REEP1: variants seen among roughly 807,000 people sequenced by gnomAD.
REEP1 encodes receptor accessory protein 1.
Under a neutral mutation model 40.3 loss-of-function variants are expected in REEP1, and 22 were observed. That is an observed-to-expected ratio of 0.55 (90% confidence interval 0.39 to 0.78). REEP1 has a LOEUF of 0.78. Ranked by LOEUF, REEP1 falls within the 30% of genes least tolerant of loss-of-function variation. The pLI, the probability that REEP1 is intolerant of heterozygous loss-of-function variation, is 0.00. For synonymous variants in REEP1, 116 were observed against 139.2 expected, an observed-to-expected ratio of 0.83 and a Z score of 1.17; for missense variants, 280 against 361.1, an observed-to-expected ratio of 0.78 and a Z score of 1.82.
chr2:86,275,667 C>A (rs192582165), intron 2 of REEP1, among the ~76,000 whole-genome samples: 1 of 152,204 alleles, frequency 6.6e-6, no homozygotes, highest in African/African-American at 2.4e-5. Flanking sequence ...ACAATGAAGG[C>A]CACTGCCCAC....
At chr2:86,275,147 G>T (rs1378767954) in intron 2 of REEP1, among the ~76,000 whole-genome samples, 3 of 152,102 alleles carry the variant, frequency 2.0e-5, no homozygotes, top group Admixed American at 6.5e-5. Flanking sequence ...ATGACAGAAA[G>T]AAAAAATTCA....
intron 3 of REEP1, among the ~76,000 whole-genome samples, chr2:86,256,031 G>A (rs956463705): frequency 3.3e-5 from 5 of 152,076 alleles, no homozygotes; most frequent in African/African-American, 9.7e-5. Flanking sequence ...CCTCCCACAA[G>A]GTGAGCCAAT....
intron 1 of REEP1, among the ~76,000 whole-genome samples, chr2:86,327,331 A>G (rs904416946): frequency 2.6e-5 from 4 of 151,920 alleles, no homozygotes; most frequent in Non-Finnish European, 5.9e-5. Context: ...TAGAAATAAT[A>G]TATATTATTA....
At chr2:86,253,892 C>CTA (rs1451008118) in intron 4 of REEP1, among the ~76,000 whole-genome samples, 1 of 152,206 alleles carries the variant, frequency 6.6e-6, no homozygotes, top group African/African-American at 2.4e-5. Context: ...GTAAGTAATA[C>CTA]AGTTAACGAA....
At chr2:86,284,432 G>A (rs1014616009) in intron 1 of REEP1, among the ~76,000 whole-genome samples, 5 of 152,162 alleles carry the variant, frequency 3.3e-5, no homozygotes, top group Non-Finnish European at 5.9e-5. Flanking sequence ...CAGTAAGTAC[G>A]TGTTCACTGT....
chr2:86,267,303 T>A (rs894466264), intron 2 of REEP1, among the ~76,000 whole-genome samples: 3 of 152,200 alleles, frequency 2.0e-5, no homozygotes, highest in Admixed American at 6.5e-5. Context: ...CTGATGGTTT[T>A]ATAACAGGTA....
intron 1 of REEP1, among the ~76,000 whole-genome samples, chr2:86,307,735 A>G (rs959765910): frequency 1.3e-5 from 2 of 152,202 alleles, no homozygotes; most frequent in Non-Finnish European, 2.9e-5. Flanking sequence ...GTCTCAAAAA[A>G]AAAAAGACAA....
chr2:86,318,184 G>A (rs567373584), intron 1 of REEP1, among the ~76,000 whole-genome samples: 1 of 152,128 alleles, frequency 6.6e-6, no homozygotes, highest in African/African-American at 2.4e-5. Context: ...TCTATTTGGT[G>A]AACCAAGTTT....
chr2:86,315,709 A>AGTT (rs1418922367), intron 1 of REEP1, among the ~76,000 whole-genome samples: 1 of 152,182 alleles, frequency 6.6e-6, no homozygotes, highest in Non-Finnish European at 1.5e-5. Flanking sequence ...CCACAGGTCC[A>AGTT]GTTGGCTTTA....
intron 2 of REEP1, among the ~76,000 whole-genome samples, chr2:86,269,070 G>T (rs1303726580): frequency 6.6e-6 from 1 of 152,068 alleles, no homozygotes; most frequent in African/African-American, 2.4e-5. Flanking sequence ...AAAGACCTCG[G>T]GCTTTGGCAC....
intron 5 of REEP1, among the ~76,000 whole-genome samples, chr2:86,243,168 G>A (rs1675759125): frequency 6.6e-6 from 1 of 152,114 alleles, no homozygotes; most frequent in African/African-American, 2.4e-5. Context: ...GGAGAGAAAG[G>A]TGGGGCCCAG....
intron 3 of REEP1, among the ~76,000 whole-genome samples, chr2:86,255,872 A>G (rs551209168): frequency 4.1e-4 from 62 of 152,236 alleles, no homozygotes; most frequent in Middle Eastern, 6.8e-3. Context: ...AGCCCCATTC[A>G]CCTGCTTGGC....
chr2:86,291,620 T>G (rs976882984), intron 1 of REEP1, among the ~76,000 whole-genome samples: 1 of 151,256 alleles, frequency 6.6e-6, no homozygotes, highest in Admixed American at 6.6e-5. Flanking sequence ...TCCGAGACAA[T>G]GGGATTACTT....
intron 6 of REEP1, among the ~76,000 whole-genome samples, chr2:86,232,126 G>A (rs2042502): frequency 0.3 from 45,420 of 152,094 alleles, 8,409 homozygotes; most frequent in East Asian, 0.62. Flanking sequence ...TGAGGTACAT[G>A]AGAGGTCAGA....
chr2:86,279,959 CCTT>C, intron 2 of REEP1: 1 of 456,242 alleles, frequency 2.2e-6, no homozygotes, highest in South Asian at 1.5e-5. Context: ...GCTACTGTAA[CCTT>C]CTAGGGAAAA....
chr2:86,224,807 T>C (rs1412871617), intron 7 of REEP1, among the ~76,000 whole-genome samples: 1 of 152,148 alleles, frequency 6.6e-6, no homozygotes, highest in African/African-American at 2.4e-5. Flanking sequence ...CACAGCTCTA[T>C]TGAAATGCAC....
At chr2:86,254,023 AG>A (rs1203593955) in intron 4 of REEP1, among the ~76,000 whole-genome samples, 1 of 152,242 alleles carries the variant, frequency 6.6e-6, no homozygotes, top group Non-Finnish European at 1.5e-5. Flanking sequence ...TATCTATATC[AG>A]GAAAAGGTAG....
At chr2:86,295,842 A>T (rs1678956820) in intron 1 of REEP1, among the ~76,000 whole-genome samples, 1 of 152,322 alleles carries the variant, frequency 6.6e-6, no homozygotes, top group East Asian at 1.9e-4. Context: ...CCCAGCCCAC[A>T]GCTGCTTTGT....
At chr2:86,323,630 C>G (rs1205938385) in intron 1 of REEP1, among the ~76,000 whole-genome samples, 1 of 152,304 alleles carries the variant, frequency 6.6e-6, no homozygotes, top group South Asian at 2.1e-4. Context: ...AAAACTGCCC[C>G]CCAACCCCCA....
Sources: gnomAD v4.1 joint callset for allele counts (sites outside exome capture counted in the v4.1 genomes callset) on GRCh38, gnomAD v4.1.1 for gene constraint, MANE v1.5 for transcripts, NCBI Gene and HGNC (gene_info 2026-07-23, HGNC 2026-07-21) for gene names.